The following PDE4B variants were observed in gnomAD, a reference collection of about 807,000 sequenced individuals.
PDE4B encodes the protein phosphodiesterase 4B, also known as 3',5'-cyclic-AMP phosphodiesterase 4B.
Under a neutral mutation model 82.2 loss-of-function variants are expected in PDE4B, and 20 were observed. The observed-to-expected ratio is 0.24, with a 90% confidence interval of 0.17 to 0.35. The LOEUF (loss-of-function observed/expected upper bound fraction) is 0.35, where lower values mean the gene tolerates loss of function less well. Ranked by LOEUF, PDE4B falls within the 10% of genes least tolerant of loss-of-function variation. PDE4B has a pLI of 1.00. For synonymous variants in PDE4B, 320 were observed against 318.9 expected, an observed-to-expected ratio of 1.00 and a Z score of -0.04; for missense variants, 655 against 907.2, an observed-to-expected ratio of 0.72 and a Z score of 3.57.
chr1:65,843,419 A>G (rs1431515987), intron 1 of PDE4B, among the ~76,000 whole-genome samples: 1 of 152,132 alleles, frequency 6.6e-6, no homozygotes, highest in African/African-American at 2.4e-5. Flanking sequence ...AGCTGTTAAG[A>G]GAGTGCATGA....
chr1:66,016,574 T>A (rs999418737), intron 3 of PDE4B, among the ~76,000 whole-genome samples: 1 of 152,056 alleles, frequency 6.6e-6, no homozygotes, highest in Non-Finnish European at 1.5e-5. Context: ...TTGTCAACCA[T>A]GATATCAAGT....
At chr1:66,124,843 A>G (rs1570292522) in intron 3 of PDE4B, among the ~76,000 whole-genome samples, 1 of 151,944 alleles carries the variant, frequency 6.6e-6, no homozygotes, top group East Asian at 1.9e-4. Context: ...TTCCTCCCAC[A>G]TCCCAAAGAT....
At chr1:66,191,371 G>A (rs1647784435) in intron 3 of PDE4B, among the ~76,000 whole-genome samples, 1 of 152,092 alleles carries the variant, frequency 6.6e-6, no homozygotes, top group Non-Finnish European at 1.5e-5. Context: ...ATTTATTAGA[G>A]AGTTTAGGTT....
intron 3 of PDE4B, among the ~76,000 whole-genome samples, chr1:66,087,612 G>GT (rs1439686718): frequency 1.3e-5 from 2 of 151,946 alleles, no homozygotes; most frequent in Non-Finnish European, 2.9e-5. Context: ...TTCTTCTAGG[G>GT]TTTTTATGGT....
rs139646518 is a variant in PDE4B, at chr1:66,238,346, G to T, written c.282-9114G>T. ...GCACAGTGTGGTATTGGATGAGGAT[G>T]GGGGGTGTGGCAAGGGCTAGATTAT... On this transcript the variant is annotated intron_variant, in intron 3 of 16. Transcript: ENST00000341517. Among the ~76,000 whole-genome samples the T allele has an allele frequency of 4.3e-4, 65 of 152,274 alleles. No homozygotes were observed. The East Asian group carries it at 5.0e-3, about 12-fold the overall frequency.
At chr1:66,248,109 A>T (rs976329185) in intron 4 of PDE4B, among the ~76,000 whole-genome samples, 1 of 152,124 alleles carries the variant, frequency 6.6e-6, no homozygotes, top group African/African-American at 2.4e-5. Flanking sequence ...TGTCATTCAG[A>T]CACATGCCTG....
chr1:66,345,920 CAGAA>C (rs1661362293), intron 8 of PDE4B, among the ~76,000 whole-genome samples: 1 of 152,162 alleles, frequency 6.6e-6, no homozygotes, highest in Non-Finnish European at 1.5e-5. Flanking sequence ...TTCCTGTGAG[CAGAA>C]ATGTGAAGCA....
Position 65,918,787 on chromosome 1 carries a change from C to G in PDE4B, c.233C>G (p.Pro78Arg). Residue 78 changes from proline (P) to arginine (R), a missense_variant, in exon 3 of 17, where the codon CCT (proline) becomes CGT (arginine). Physicochemically the swap from Pro to Arg is moderately radical, Grantham distance 103. Coordinates refer to ENST00000341517, the MANE Select transcript of PDE4B (RefSeq NM_002600.4). ...GGTATTTCCAGGCCGACCACACTGCCTTTGACAACGCTTCCAAGCATTGCT... is the reference window on the plus strand; with the variant it reads ...GGTATTTCCAGGCCGACCACACTGCGTTTGACAACGCTTCCAAGCATTGCT... ...GDGISRPTTL[P>R]LTTLPSIAIT... The G allele has an allele frequency of 6.2e-7, 1 of 1,613,964 alleles. No individual in the cohort carries two copies. Among genetic ancestry groups the G allele is most frequent in the South Asian group, 1.1e-5 (1 of 91,088 alleles).
At chr1:66,017,132 A>G (rs1179750993) in intron 3 of PDE4B, among the ~76,000 whole-genome samples, 2 of 152,196 alleles carry the variant, frequency 1.3e-5, no homozygotes, top group Non-Finnish European at 2.9e-5. Context: ...TTGGATTTAC[A>G]TACTTGATGT....
At chr1:65,930,958 A>C (rs971227877) in intron 3 of PDE4B, among the ~76,000 whole-genome samples, 7 of 152,230 alleles carry the variant, frequency 4.6e-5, no homozygotes, top group African/African-American at 1.7e-4. Context: ...CTCAAATCTC[A>C]TGTTCAATTG....
At chr1:65,878,511 G>A (rs2100332617) in intron 1 of PDE4B, among the ~76,000 whole-genome samples, 1 of 152,282 alleles carries the variant, frequency 6.6e-6, no homozygotes, top group Admixed American at 6.5e-5. Context: ...ACTGGATAAA[G>A]AAAATGTGGC....
At chr1:65,870,295 T>C (rs1383829916) in intron 1 of PDE4B, among the ~76,000 whole-genome samples, 1 of 152,120 alleles carries the variant, frequency 6.6e-6, no homozygotes, top group Non-Finnish European at 1.5e-5. Flanking sequence ...TTTTTGTCTT[T>C]AAATCATGTC....
chr1:66,348,123 C>T (rs566916595), intron 8 of PDE4B, among the ~76,000 whole-genome samples: 10 of 152,220 alleles, frequency 6.6e-5, no homozygotes, highest in African/African-American at 9.6e-5. Context: ...CTTCTAGCTG[C>T]GAAATGTTTC....
intron 1 of PDE4B, among the ~76,000 whole-genome samples, chr1:65,838,083 C>G (rs1318494089): frequency 6.6e-6 from 1 of 152,124 alleles, no homozygotes; most frequent in Non-Finnish European, 1.5e-5. Context: ...TCATAGCTAG[C>G]TGGGTAGTAC....
chr1:66,086,271 C>G (rs1218483266), intron 3 of PDE4B, among the ~76,000 whole-genome samples: 3 of 152,156 alleles, frequency 2.0e-5, no homozygotes, highest in Non-Finnish European at 4.4e-5. Flanking sequence ...GAATAGCTCT[C>G]AAGGGAAGCA....
chr1:66,229,163 A>C (rs946883854), intron 3 of PDE4B, among the ~76,000 whole-genome samples: 3 of 117,172 alleles, frequency 2.6e-5, no homozygotes, highest in Admixed American at 7.9e-5. Context: ...GCCCACCACC[A>C]TGCCCGGCTA....
At chr1:66,179,634 G>C (rs927541389) in intron 3 of PDE4B, among the ~76,000 whole-genome samples, 3 of 152,222 alleles carry the variant, frequency 2.0e-5, no homozygotes, top group African/African-American at 7.2e-5. Flanking sequence ...ATGATGAATA[G>C]ACAAATGGTC....
chr1:65,896,026 T>A (rs1248829679), intron 1 of PDE4B, among the ~76,000 whole-genome samples: 1 of 151,276 alleles, frequency 6.6e-6, no homozygotes, highest in Non-Finnish European at 1.5e-5. Flanking sequence ...TTCTGTAACC[T>A]TTGCATTCTA....
rs181623927 is a variant in PDE4B at position 66,151,208 on chromosome 1, G to T, written c.282-96252G>T. On this transcript the variant is annotated intron_variant, in intron 3 of 16. Coordinates refer to ENST00000341517, the MANE Select transcript of PDE4B (RefSeq NM_002600.4). ...TGTTTCGTGGAACAAAGGACTTACAGGCAAAGAGAACAGTAAAATGTAATA... is the reference window on the plus strand; with the variant it reads ...TGTTTCGTGGAACAAAGGACTTACATGCAAAGAGAACAGTAAAATGTAATA... Among the ~76,000 whole-genome samples, 6 of 152,268 alleles carry T rather than the reference G, an allele frequency of 3.9e-5. 1 individual carries two copies. In the East Asian group the frequency reaches 1.2e-3, roughly 29 times the overall value.
Sources: gnomAD v4.1 joint callset for allele counts (sites outside exome capture counted in the v4.1 genomes callset) on GRCh38, gnomAD v4.1.1 for gene constraint, MANE v1.5 for transcripts, NCBI Gene and HGNC (gene_info 2026-07-23, HGNC 2026-07-21) for gene names.